Variants in EFNA5 observed in about 807,000 individuals in gnomAD.
EFNA5 encodes ephrin-A5.
Under a neutral mutation model 22.9 loss-of-function variants are expected in EFNA5, and 5 were observed. That is an observed-to-expected ratio of 0.22 (90% CI 0.11 to 0.46). The LOEUF (loss-of-function observed/expected upper bound fraction) is 0.46, where lower values mean the gene tolerates loss of function less well. Ranked by LOEUF, EFNA5 falls within the 20% of genes least tolerant of loss-of-function variation. The pLI, the probability that EFNA5 is intolerant of heterozygous loss-of-function variation, is 0.99. For synonymous variants in EFNA5, 113 were observed against 112.2 expected (o/e 1.01, Z -0.04); for missense variants, 237 against 293.3 (o/e 0.81, Z 1.40).
intron 1 of EFNA5, among the ~76,000 whole-genome samples, chr5:107,574,812 A>T (rs2112489922): frequency 6.6e-6 from 1 of 152,350 alleles, no homozygotes; most frequent in East Asian, 1.9e-4. Flanking sequence ...TCAATTGTGG[A>T]TGTGAATGCT....
intron 1 of EFNA5, among the ~76,000 whole-genome samples, chr5:107,521,943 C>T (rs923229116): frequency 6.6e-6 from 1 of 152,118 alleles, no homozygotes; most frequent in African/African-American, 2.4e-5. Context: ...GGCAATTTGC[C>T]TCAGCCTCTG....
intron 2 of EFNA5, among the ~76,000 whole-genome samples, chr5:107,403,498 T>A (rs1748136863): frequency 1.3e-5 from 2 of 152,252 alleles, no homozygotes; most frequent in Non-Finnish European, 2.9e-5. Flanking sequence ...GGCTCACCCG[T>A]TGCAGGCAAA....
At chr5:107,544,507 A>C (rs962552938) in intron 1 of EFNA5, among the ~76,000 whole-genome samples, 2 of 152,192 alleles carry the variant, frequency 1.3e-5, no homozygotes, top group African/African-American at 4.8e-5. Context: ...GTGTTCTGTG[A>C]ATGATACAAA....
chr5:107,639,082 G>A (rs536858016), intron 1 of EFNA5, among the ~76,000 whole-genome samples: 6 of 152,222 alleles, frequency 3.9e-5, no homozygotes, highest in East Asian at 1.9e-4. Context: ...TTATAAAAGC[G>A]TTTCATTTAA....
chr5:107,428,815 G>C (rs944642989), intron 1 of EFNA5, among the ~76,000 whole-genome samples: 1 of 152,134 alleles, frequency 6.6e-6, no homozygotes, highest in Non-Finnish European at 1.5e-5. Context: ...CTTATATTCA[G>C]CATATCCGCT....
At chr5:107,587,915 G>A (rs1199511643) in intron 1 of EFNA5, among the ~76,000 whole-genome samples, 6 of 152,162 alleles carry the variant, frequency 3.9e-5, no homozygotes, top group African/African-American at 1.4e-4. Context: ...GAGATGCGAA[G>A]ACAAGTGGAC....
rs200723285 is a variant in EFNA5 at position 107,413,223 on chromosome 5, AC to A, written c.418+13993del. Among the ~76,000 whole-genome samples, 653 of 152,274 alleles carry A rather than the reference AC, an allele frequency of 4.3e-3. 6 individuals carry two copies. Among genetic ancestry groups the A allele is most frequent in the African/African-American group, 0.015 (630 of 41,566 alleles). Reference sequence around the variant, plus strand: ...AAACTTAATAATACTTTTAAAAGGAACCTATGAAATAATAGACTTATTTTCT... The same window carrying A: ...AAACTTAATAATACTTTTAAAAGGAACTATGAAATAATAGACTTATTTTCT... On this transcript the variant is annotated intron_variant, in intron 2 of 4. Coordinates refer to ENST00000333274, the MANE Select transcript of EFNA5 (RefSeq NM_001962.3).
chr5:107,513,791 C>T (rs946617578), intron 1 of EFNA5, among the ~76,000 whole-genome samples: 7 of 151,886 alleles, frequency 4.6e-5, no homozygotes, highest in Non-Finnish European at 1.0e-4. Flanking sequence ...TCTTTAATTC[C>T]AAGAACTCAG....
At chr5:107,659,474 A>T in intron 1 of EFNA5, among the ~76,000 whole-genome samples, 1 of 150,690 alleles carries the variant, frequency 6.6e-6, no homozygotes, top group South Asian at 2.1e-4. Flanking sequence ...AGCTGCTAAA[A>T]GTTTGAGTTT....
At position 107,626,979 on chromosome 5, in the gene EFNA5, G is replaced by A. The variant is rs985226716; in HGVS notation, c.125+43510C>T. Among the ~76,000 whole-genome samples the A allele has an allele frequency of 6.6e-5, 10 of 152,176 alleles. No homozygotes were observed. The East Asian group carries it at 1.9e-3, about 29-fold the overall frequency. ...ATTTGTAAACAGTGGCTGTATTCAT[G>A]GCTAATATTGTAAGATTTTCTGTGT... On this transcript the variant is annotated intron_variant, in intron 1 of 4. Coordinates refer to ENST00000333274, the MANE Select transcript of EFNA5 (RefSeq NM_001962.3).
chr5:107,448,842 T>TAAATAAAC (rs1554059791), intron 1 of EFNA5, among the ~76,000 whole-genome samples: 85 of 116,568 alleles, frequency 7.3e-4, no homozygotes, highest in Non-Finnish European at 1.3e-3. Flanking sequence ...AATAAATAAA[T>TAAATAAAC]AAATAAATAA....
rs143118408 is a variant in EFNA5 at position 107,506,986 on chromosome 5, G to T, written c.126-79477C>A. ...ACAGAAATAATGCATCATCTTCAGG[G>T]ATAAGAATCTAAATTTTTGAAAATG... On this transcript the variant is annotated intron_variant, in intron 1 of 4. Transcript: ENST00000333274. Among the ~76,000 whole-genome samples the T allele has an allele frequency of 7.9e-3, 1,195 of 152,140 alleles. 14 individuals are homozygous for T. Among genetic ancestry groups the T allele is most frequent in the African/African-American group, 0.028 (1,148 of 41,498 alleles).
intron 1 of EFNA5, among the ~76,000 whole-genome samples, chr5:107,557,639 T>C (rs1211076080): frequency 6.6e-6 from 1 of 152,272 alleles, no homozygotes; most frequent in African/African-American, 2.4e-5. Context: ...GTGTGTACTA[T>C]AGTTCTCCTC....
At chr5:107,654,340 G>T (rs1750785531) in intron 1 of EFNA5, among the ~76,000 whole-genome samples, 1 of 151,778 alleles carries the variant, frequency 6.6e-6, no homozygotes, top group African/African-American at 2.4e-5. Context: ...TTTGCCAGTG[G>T]GTTTAAACTT....
At position 107,619,560 on chromosome 5, in the gene EFNA5, T is replaced by C. The variant is rs553407016; in HGVS notation, c.125+50929A>G. ...TCACTGCAACCTCTGCCTCCTGAGT[T>C]CACGCGATTCTCCTGCCTCAGCCTC... On this transcript the variant is annotated intron_variant, in intron 1 of 4. Coordinates refer to ENST00000333274, the MANE Select transcript of EFNA5 (RefSeq NM_001962.3). Among the ~76,000 whole-genome samples the C allele has an allele frequency of 1.1e-4, 17 of 151,826 alleles. No homozygotes were observed. In the East Asian group the frequency reaches 3.3e-3, roughly 30 times the overall value.
chr5:107,398,504 C>G (rs1747988140), intron 2 of EFNA5, among the ~76,000 whole-genome samples: 1 of 151,956 alleles, frequency 6.6e-6, no homozygotes, highest in Non-Finnish European at 1.5e-5. Context: ...TGCTTTGTTC[C>G]TAACAGGTGT....
chr5:107,651,201 G>T (rs1215393319), intron 1 of EFNA5, among the ~76,000 whole-genome samples: 1 of 152,132 alleles, frequency 6.6e-6, no homozygotes, highest in Non-Finnish European at 1.5e-5. Context: ...CCTTTGGCTA[G>T]TATAAAGTAT....
chr5:107,515,264 T>C (rs901920990), intron 1 of EFNA5, among the ~76,000 whole-genome samples: 5 of 151,970 alleles, frequency 3.3e-5, no homozygotes, highest in African/African-American at 1.2e-4. Flanking sequence ...TCTCAACTCC[T>C]GACGTCAAGT....
At chr5:107,390,382 G>A (rs1747752563) in intron 2 of EFNA5, among the ~76,000 whole-genome samples, 1 of 152,064 alleles carries the variant, frequency 6.6e-6, no homozygotes, top group Non-Finnish European at 1.5e-5. Flanking sequence ...AAGACATAAG[G>A]TAATATAAAA....
Sources: allele counts gnomAD v4.1 joint callset (sites outside exome capture counted in the v4.1 genomes callset), GRCh38; gene constraint gnomAD v4.1.1; transcripts MANE v1.5; gene names NCBI Gene and HGNC (gene_info 2026-07-23, HGNC 2026-07-21).